Variants in FMN1 observed in about 807,000 individuals in gnomAD.
FMN1 encodes formin 1.
In FMN1, 110 loss-of-function variants were observed where a neutral mutation model predicts 132.4. The ratio of observed to expected loss-of-function variants is 0.83; its 90% confidence interval spans 0.71 to 0.97. FMN1 has a LOEUF of 0.97. FMN1 is among the 50% of genes least tolerant of loss of function. The probability of loss-of-function intolerance (pLI) is 0.00; values close to 1 mark genes in which losing one functional copy is unlikely to be tolerated. For missense variants in FMN1, 1,792 were observed against 1,705.3 expected (o/e 1.05, Z -0.90); for synonymous variants, 722 against 651.7 (o/e 1.11, Z -1.64).
At chr15:32,824,642 G>A (rs955989960) in intron 17 of FMN1, among the ~76,000 whole-genome samples, 4 of 152,110 alleles carry the variant, frequency 2.6e-5, no homozygotes, top group African/African-American at 2.4e-5. Flanking sequence ...CACCTAGGCT[G>A]GAGCACAGTG....
At chr15:32,879,876 CAA>C (rs1378369099) in intron 16 of FMN1, among the ~76,000 whole-genome samples, 4 of 151,578 alleles carry the variant, frequency 2.6e-5, no homozygotes, top group Non-Finnish European at 5.9e-5. Flanking sequence ...ATGTATTTGT[CAA>C]AGTTATACGT....
At position 32,771,088 on chromosome 15, in the gene FMN1, C is replaced by CT. The variant is rs35863528; in HGVS notation, c.*3221dup. On this transcript the variant is annotated 3_prime_UTR_variant, in exon 21 of 21. Transcript: ENST00000616417. ...TTTTTGATACTTCATGGGCCTGATG[C>CT]TTTTTTTTTTGAAACGGAGTCTCAC... The CT allele has an allele frequency of 0.2, 29,997 of 147,068 alleles. 3,181 individuals carry two copies. The highest frequency in any genetic ancestry group is 0.25 in the South Asian group (1,160 of 4,630). The allele number at this position is 147,068 out of a possible 1,614,324, so 9.1% of individuals were successfully genotyped here.
At chr15:32,931,023 G>T (rs2061102678) in intron 9 of FMN1, among the ~76,000 whole-genome samples, 1 of 151,880 alleles carries the variant, frequency 6.6e-6, no homozygotes, top group Non-Finnish European at 1.5e-5. Context: ...TTTATTTCTG[G>T]GTTCTCTATT....
rs866847726 is a variant in FMN1 at position 32,969,184 on chromosome 15, G to T, written c.2517C>A (p.Ser839Arg). Residue 839 changes from serine to arginine, a missense_variant, in exon 8 of 21, where the codon AGC (serine) becomes AGA (arginine). Physicochemically the swap from Ser to Arg is moderately radical, Grantham distance 110. Transcript: ENST00000616417. ...VPKKLNISSL[S>R]QLSPPNDHKD... ...TGTGGTCATTTGGGGGTGAGAGCTG[G>T]CTTAAAGAGGAGATATTCAGCTTTT... 12 of 1,613,944 alleles carry T rather than the reference G, an allele frequency of 7.4e-6. No homozygotes were observed. The Middle Eastern group carries it at 9.9e-4, about 133-fold the overall frequency.
intron 17 of FMN1, among the ~76,000 whole-genome samples, chr15:32,838,992 C>A (rs2058688338): frequency 6.6e-6 from 1 of 152,106 alleles, no homozygotes; most frequent in Non-Finnish European, 1.5e-5. Flanking sequence ...CACTAATTGC[C>A]CATCTGCTTG....
chr15:32,953,870 C>T (rs2061706373), intron 9 of FMN1, among the ~76,000 whole-genome samples: 1 of 152,144 alleles, frequency 6.6e-6, no homozygotes, highest in Non-Finnish European at 1.5e-5. Context: ...GCAGTATATC[C>T]CATGCCGCTC....
intron 10 of FMN1, among the ~76,000 whole-genome samples, chr15:32,914,393 T>C (rs79696787): frequency 0.028 from 4,251 of 152,234 alleles, 202 homozygotes; most frequent in African/African-American, 0.096. Context: ...CAGCAGATAA[T>C]AGGCTCACAA....
intron 9 of FMN1, among the ~76,000 whole-genome samples, chr15:32,928,965 T>C (rs2061031443): frequency 6.6e-6 from 1 of 152,124 alleles, no homozygotes; most frequent in Non-Finnish European, 1.5e-5. Context: ...CTGAGTAAAA[T>C]GAGGCAAATC....
At chr15:32,885,771 G>A (rs1171179807) in intron 16 of FMN1, among the ~76,000 whole-genome samples, 1 of 151,628 alleles carries the variant, frequency 6.6e-6, no homozygotes, top group African/African-American at 2.4e-5. Context: ...ATAACCATAG[G>A]TTAATTCACA....
At chr15:33,021,741 T>G (rs999004873) in intron 6 of FMN1, among the ~76,000 whole-genome samples, 3 of 152,218 alleles carry the variant, frequency 2.0e-5, no homozygotes, top group Admixed American at 2.0e-4. Flanking sequence ...TGGGATAACC[T>G]GCCTTCTACC....
At chr15:33,084,180 C>G (rs1595436294) in intron 5 of FMN1, among the ~76,000 whole-genome samples, 2 of 152,312 alleles carry the variant, frequency 1.3e-5, no homozygotes, top group Admixed American at 1.3e-4. Context: ...TCTTTTATTC[C>G]TTTACTTTCT....
intron 10 of FMN1, among the ~76,000 whole-genome samples, chr15:32,920,854 A>G (rs1000338720): frequency 6.6e-6 from 1 of 152,156 alleles, no homozygotes; most frequent in Non-Finnish European, 1.5e-5. Context: ...TCTTCTCTAC[A>G]TTTCTATAGA....
chr15:32,824,279 C>G (rs11636075), intron 17 of FMN1, among the ~76,000 whole-genome samples: 4,262 of 152,304 alleles, frequency 0.028, 85 homozygotes, highest in Middle Eastern at 0.044. Context: ...GAGCGTGGAG[C>G]CCAACACTGG....
At chr15:32,951,212 T>C (rs983210772) in intron 9 of FMN1, among the ~76,000 whole-genome samples, 1 of 152,198 alleles carries the variant, frequency 6.6e-6, no homozygotes, top group African/African-American at 2.4e-5. Flanking sequence ...AAAGGTGATA[T>C]TATGTTACCT....
chr15:32,856,950 G>C (rs932540687), intron 17 of FMN1, 65 bp downstream of exon 17: 3 of 1,221,950 alleles, frequency 2.5e-6, no homozygotes, highest in East Asian at 2.3e-5. Context: ...GGGCCTCAGA[G>C]AAAGATTCAT....
At chr15:32,970,803 AG>A (rs1476561049) in intron 7 of FMN1, 5 of 151,266 alleles carry the variant, frequency 3.3e-5, no homozygotes, top group Non-Finnish European at 7.4e-5. Flanking sequence ...AAAAAAAAAA[AG>A]ATAACTTTTA....
At chr15:33,001,451 G>A (rs1219569754) in intron 7 of FMN1, among the ~76,000 whole-genome samples, 2 of 152,140 alleles carry the variant, frequency 1.3e-5, no homozygotes, top group Non-Finnish European at 2.9e-5. Flanking sequence ...CAGCGGGAGG[G>A]TGGTTGCAGG....
intron 17 of FMN1, among the ~76,000 whole-genome samples, chr15:32,838,222 A>AGAAGGCAGAC (rs1470857585): frequency 6.6e-6 from 1 of 152,156 alleles, no homozygotes; most frequent in Non-Finnish European, 1.5e-5. Flanking sequence ...AAGCTATGAA[A>AGAAGGCAGAC]GAAGGCAGAC....
In FMN1 at chr15:32,789,694, C is replaced by CCACTGACT. The variant is rs563079173; in HGVS notation, c.4130+9102_4130+9109dup. On this transcript the variant is annotated intron_variant, in intron 19 of 20. Transcript: ENST00000616417. ...TATTCTAGGCCTTCAGATTCACCCACCACTGACTCACTGACTCACCCAGAG... is the reference window on the plus strand; with the variant it reads ...TATTCTAGGCCTTCAGATTCACCCACCACTGACTCACTGACTCACTGACTCACCCAGAG... Among the ~76,000 whole-genome samples, 496 of 152,290 alleles carry CCACTGACT rather than the reference C, an allele frequency of 3.3e-3. 5 individuals carry two copies. The highest frequency in any genetic ancestry group is 0.023 in the Admixed American group (355 of 15,294).
Sources: gnomAD v4.1 joint callset for allele counts (sites outside exome capture counted in the v4.1 genomes callset) on GRCh38, gnomAD v4.1.1 for gene constraint, MANE v1.5 for transcripts, NCBI Gene and HGNC (gene_info 2026-07-23, HGNC 2026-07-21) for gene names.